SCLT1: variants seen among roughly 807,000 people sequenced by gnomAD.
The protein encoded by SCLT1 is sodium channel-associated protein 1.
In SCLT1, 78 loss-of-function variants were observed where a neutral mutation model predicts 112.8. The observed-to-expected ratio is 0.69, with a 90% CI of 0.58 to 0.83. The LOEUF (loss-of-function observed/expected upper bound fraction) is 0.83, where lower values mean the gene tolerates loss of function less well. Among genes scored for constraint, SCLT1 ranks in the 40% least tolerant of loss-of-function variants. The probability of loss-of-function intolerance (pLI) is 0.00; values close to 1 mark genes in which losing one functional copy is unlikely to be tolerated. For missense variants in SCLT1, 747 were observed against 770.4 expected (o/e 0.97, Z 0.36); for synonymous variants, 257 against 254.7 (o/e 1.01, Z -0.09).
chr4:128,970,617 T>G, intron 9 of SCLT1, 149 bp from the exon 10 acceptor site: 1 of 598,826 alleles, frequency 1.7e-6, no homozygotes, highest in South Asian at 2.1e-5. Flanking sequence ...ATTCCTTTAT[T>G]ACTAATGAAG....
chr4:129,077,329 A>T (rs1453296590), intron 2 of SCLT1, among the ~76,000 whole-genome samples: 10 of 152,174 alleles, frequency 6.6e-5, no homozygotes, highest in Non-Finnish European at 1.3e-4. Context: ...AGACTGAATA[A>T]AGTATGTTCA....
rs564982536 is a variant in SCLT1, at chr4:128,926,989, TA to T, written c.1829+9665del. ...ATATTGGGGAAAAAAGTAGAATGAT[TA>T]AAAAAAACCAAATGAATTAAAAAGA... On this transcript the variant is annotated intron_variant, in intron 18 of 20. Coordinates refer to ENST00000281142, the MANE Select transcript of SCLT1 (RefSeq NM_144643.4). Among the ~76,000 whole-genome samples the T allele has an allele frequency of 6.8e-4, 103 of 150,926 alleles. 1 individual carries two copies. In the East Asian group the frequency reaches 0.016, roughly 24 times the overall value.
At chr4:129,052,527 A>G (rs1335100425) in intron 2 of SCLT1, among the ~76,000 whole-genome samples, 2 of 151,222 alleles carry the variant, frequency 1.3e-5, no homozygotes, top group Non-Finnish European at 2.9e-5. Context: ...AGATGTTTAT[A>G]GTATTCTCTC....
intron 3 of SCLT1, chr4:128,876,784 T>C (rs1474907174): frequency 6.6e-6 from 1 of 152,236 alleles, no homozygotes; most frequent in Non-Finnish European, 1.5e-5. Context: ...CATCCCCTCT[T>C]GGATGTATAC....
At chr4:128,895,514 T>C (rs948517513) in intron 18 of SCLT1, among the ~76,000 whole-genome samples, 2 of 152,206 alleles carry the variant, frequency 1.3e-5, no homozygotes, top group African/African-American at 4.8e-5. Context: ...GGATTTCCCA[T>C]TACAATTCTG....
At chr4:128,902,586 C>G (rs1469730135) in intron 18 of SCLT1, among the ~76,000 whole-genome samples, 1 of 152,124 alleles carries the variant, frequency 6.6e-6, no homozygotes, top group East Asian at 1.9e-4. Flanking sequence ...ATAAATGGAG[C>G]CTGCAGGACT....
chr4:128,908,089 A>G lies in SCLT1; in HGVS notation c.1830-16952T>C, dbSNP rs555287482. On this transcript the variant is annotated intron_variant, in intron 18 of 20. Transcript: ENST00000281142. ...TACAGTACAAAGGAAAATTCCTTCA[A>G]TGCATGAAATGCTTTAGTGATGACT... is the stretch of plus-strand genomic sequence containing the variant. Among the ~76,000 whole-genome samples the G allele has an allele frequency of 3.3e-5, 5 of 152,298 alleles. No homozygotes were observed. The East Asian group carries it at 5.8e-4, about 18-fold the overall frequency.
chr4:129,030,598 A>C (rs910226929), intron 5 of SCLT1, among the ~76,000 whole-genome samples: 2 of 152,116 alleles, frequency 1.3e-5, no homozygotes, highest in Non-Finnish European at 2.9e-5. Flanking sequence ...GAGAAGAATC[A>C]AATAGACACA....
At chr4:128,913,206 G>C (rs1220484793) in intron 18 of SCLT1, among the ~76,000 whole-genome samples, 1 of 152,108 alleles carries the variant, frequency 6.6e-6, no homozygotes, top group East Asian at 1.9e-4. Context: ...GTATTTAACT[G>C]AACATCTAAC....
At chr4:128,930,073 C>A (rs1736634732) in intron 18 of SCLT1, among the ~76,000 whole-genome samples, 2 of 151,942 alleles carry the variant, frequency 1.3e-5, no homozygotes, top group South Asian at 2.1e-4. Flanking sequence ...GAAGGTAGGC[C>A]CTAAAACCCC....
intron 1 of SCLT1, among the ~76,000 whole-genome samples, chr4:129,089,720 G>A (rs1357795975): frequency 6.6e-6 from 1 of 152,156 alleles, no homozygotes; most frequent in Non-Finnish European, 1.5e-5. Context: ...GCTGGGACAT[G>A]GATGAAGCTG....
intron 2 of SCLT1, among the ~76,000 whole-genome samples, chr4:129,061,721 G>C (rs1381065321): frequency 6.6e-6 from 1 of 152,000 alleles, no homozygotes; most frequent in Non-Finnish European, 1.5e-5. Context: ...CACAGGGAAG[G>C]GTGTAACAGT....
At chr4:128,914,198 T>C (rs1735305317) in intron 18 of SCLT1, among the ~76,000 whole-genome samples, 1 of 152,046 alleles carries the variant, frequency 6.6e-6, no homozygotes, top group Non-Finnish European at 1.5e-5. Flanking sequence ...ACCCCGTCTC[T>C]ACTAAAAATA....
intron 5 of SCLT1, among the ~76,000 whole-genome samples, chr4:129,009,754 T>C (rs778007514): frequency 1.3e-5 from 2 of 152,224 alleles, no homozygotes; most frequent in African/African-American, 2.4e-5. Flanking sequence ...CACATGTATG[T>C]CTTCTTTTGA....
intron 2 of SCLT1, among the ~76,000 whole-genome samples, chr4:129,072,028 C>A (rs954474256): frequency 6.6e-6 from 1 of 152,098 alleles, no homozygotes; most frequent in Non-Finnish European, 1.5e-5. Flanking sequence ...TGAATTTGCT[C>A]AGCATTTGTT....
rs71589026 is a variant in SCLT1 at position 129,087,755 on chromosome 4, T to TAA, written c.34+5313_34+5314dup. Among the ~76,000 whole-genome samples the TAA allele has an allele frequency of 4.2e-3, 440 of 104,438 alleles. 1 individual carries two copies. Among genetic ancestry groups the TAA allele is most frequent in the African/African-American group, 0.015 (361 of 24,762 alleles). The allele number at this position is 104,438 out of a possible 152,430, so 68.5% of individuals were successfully genotyped here. ...GTGACAGTGAGACCCTTGCGCAAGT[T>TAA]AAAAAAAAAAAAAAAAAAAGGAAGA... On this transcript the variant is annotated intron_variant, in intron 1 of 20. Transcript: ENST00000281142.
At chr4:129,031,451 G>A (rs1049663672) in intron 5 of SCLT1, among the ~76,000 whole-genome samples, 4 of 152,106 alleles carry the variant, frequency 2.6e-5, no homozygotes, top group East Asian at 3.9e-4. Flanking sequence ...AGTATTGGAA[G>A]CTCTGGCCAG....
rs192991170 is a variant in SCLT1 at position 128,946,554 on chromosome 4, C to T, written c.1294-402G>A. Among the ~76,000 whole-genome samples the T allele has an allele frequency of 1.9e-3, 286 of 152,118 alleles. 2 individuals carry two copies. The highest frequency in any genetic ancestry group is 0.015 in the East Asian group (79 of 5,172). The stretch of plus-strand genomic sequence containing the variant: ...TCCACTGTACTCCAGTCTGGATAAT[C>T]GGGCAAGACCTTGTCTCTTAAAAAA... On this transcript the variant is annotated intron_variant, in intron 15 of 20. Coordinates refer to ENST00000281142, the MANE Select transcript of SCLT1 (RefSeq NM_144643.4).
In SCLT1 at chr4:128,906,678, T is replaced by C. The variant is rs374536177; in HGVS notation, c.1830-15541A>G. Among the ~76,000 whole-genome samples the C allele has an allele frequency of 4.7e-5, 7 of 147,380 alleles. No homozygotes were observed. The East Asian group carries it at 8.1e-4, about 17-fold the overall frequency. ...GGTTGAAATTTCCTCACAACATCTA[T>C]TGTTAAGTGCTCATCTTAGAAGGAG... On this transcript the variant is annotated intron_variant, in intron 18 of 20. Transcript: ENST00000281142.
Sources: gnomAD v4.1 joint callset for allele counts (sites outside exome capture counted in the v4.1 genomes callset) on GRCh38, gnomAD v4.1.1 for gene constraint, MANE v1.5 for transcripts, NCBI Gene and HGNC (gene_info 2026-07-23, HGNC 2026-07-21) for gene names.